The following RIF1 variants were observed in gnomAD, a reference collection of about 807,000 sequenced individuals.
RIF1 encodes replication timing regulatory factor 1, also known as telomere-associated protein RIF1.
Under a neutral mutation model 247.1 loss-of-function variants are expected in RIF1, and 45 were observed. The ratio of observed to expected loss-of-function variants is 0.18; its 90% CI spans 0.14 to 0.23. RIF1 has a LOEUF of 0.23. Among genes scored for constraint, RIF1 ranks in the 10% least tolerant of loss-of-function variants. The pLI, the probability that RIF1 is intolerant of heterozygous loss-of-function variation, is 1.00. For missense variants in RIF1, 2,967 were observed against 2,862.5 expected (o/e 1.04, Z -0.83); for synonymous variants, 1,087 against 978.8 (o/e 1.11, Z -2.06).
Position 151,502,940 on chromosome 2 carries a change from G to C in RIF1, c.*710-94G>C, listed in dbSNP as rs186299935. Reference sequence around the variant, plus strand: ...CATTTAAAACAGGCACAGAGAGTAAGGAAGGAAGGAAATGGGGGAAGGGGT... The same window carrying C: ...CATTTAAAACAGGCACAGAGAGTAACGAAGGAAGGAAATGGGGGAAGGGGT... On this transcript the variant is annotated intron_variant and NMD_transcript_variant, in intron 11 of 13. Coordinates refer to the RIF1 transcript ENST00000454583. 4.1e-4 allele frequency: 445 copies of C among 1,072,754 alleles called. 1 individual carries two copies. In the African/African-American group the frequency reaches 5.8e-3, roughly 14 times the overall value. 66.5% of individuals were successfully genotyped at this position (1,072,754 alleles called of 1,614,324 possible).
chr2:151,437,229 C>T lies in RIF1; in HGVS notation c.1373-12C>T, dbSNP rs1240790772. 2 of 1,578,234 alleles carry T rather than the reference C, an allele frequency of 1.3e-6. No homozygotes were observed. Among genetic ancestry groups the T allele is most frequent in the Non-Finnish European group, 1.7e-6 (2 of 1,149,098 alleles). On this transcript the variant is annotated splice_polypyrimidine_tract_variant and intron_variant, in intron 12 of 35. Coordinates refer to ENST00000444746, the MANE Select transcript of RIF1 (RefSeq NM_018151.5). ...TTGTTTTACATAATTATCTTTTATTCTTCCCTTTCAGAGCCATTGGAACAT... is the reference window on the plus strand; with the variant it reads ...TTGTTTTACATAATTATCTTTTATTTTTCCCTTTCAGAGCCATTGGAACAT...
chr2:151,497,647 G>C, intron 10 of RIF1: 2 of 1,579,920 alleles, frequency 1.3e-6, no homozygotes, highest in Non-Finnish European at 1.7e-6. Context: ...TTTCTTGATT[G>C]TGTTTGACTC....
chr2:151,505,210 ATAAT>A (rs778558948), intron 12 of RIF1, among the ~76,000 whole-genome samples: 20 of 152,338 alleles, frequency 1.3e-4, no homozygotes, highest in Admixed American at 2.6e-4. Context: ...GAATGGCATG[ATAAT>A]TAATTAAGAA....
intron 7 of RIF1, among the ~76,000 whole-genome samples, chr2:151,420,793 A>G (rs1688042936): frequency 1.3e-5 from 2 of 151,978 alleles, no homozygotes; most frequent in African/African-American, 4.8e-5. Flanking sequence ...ACTATGATAT[A>G]GGATTTTAGC....
chr2:151,521,858 G>C, the RIF1 span, among the ~76,000 whole-genome samples: 1 of 152,112 alleles, frequency 6.6e-6, no homozygotes, highest in Admixed American at 6.5e-5. Flanking sequence ...AGCACTTTTG[G>C]CCTTCCTTTT....
At chr2:151,492,327 A>G (rs770715674) in intron 9 of RIF1, 90 of 1,597,082 alleles carry the variant, frequency 5.6e-5, no homozygotes, top group Non-Finnish European at 7.0e-5. Flanking sequence ...TGGTGTGACT[A>G]TATCCCTTTT....
intron 33 of RIF1, 61 bp from the exon 34 acceptor site, chr2:151,469,650 C>T: frequency 1.6e-6 from 2 of 1,263,774 alleles, no homozygotes; most frequent in Non-Finnish European, 1.1e-6. Flanking sequence ...TGGATAAACC[C>T]TTGCAAATAG....
At chr2:151,467,633 G>C (rs1370350424) in intron 30 of RIF1, among the ~76,000 whole-genome samples, 2 of 152,156 alleles carry the variant, frequency 1.3e-5, no homozygotes, top group African/African-American at 4.8e-5. Context: ...GCGAGCCACT[G>C]CGCCTGGCAC....
In RIF1 at chr2:151,496,360, G is replaced by C. The variant is rs758277406; in HGVS notation, c.*513+1034G>C. On this transcript the variant is annotated intron_variant and NMD_transcript_variant, in intron 10 of 13. Coordinates refer to the RIF1 transcript ENST00000454583. ...GAGTTCCCTTGCCCATGTTTTCTTT[G>C]TATAACACCTGTGCGATGAGAAAGC... 8 of 1,608,468 alleles carry C rather than the reference G, an allele frequency of 5.0e-6. No individual in the cohort carries two copies. In the South Asian group the frequency reaches 8.9e-5, roughly 18 times the overall value.
chr2:151,456,999 G>C (rs972196783), intron 23 of RIF1, among the ~76,000 whole-genome samples: 18 of 152,106 alleles, frequency 1.2e-4, no homozygotes, highest in Non-Finnish European at 2.5e-4. Context: ...TTCCCGAAGT[G>C]CTAAGATTAC....
chr2:151,511,923 T>C (rs1559399993), downstream of RIF1, among the ~76,000 whole-genome samples: 4 of 152,142 alleles, frequency 2.6e-5, no homozygotes, highest in Non-Finnish European at 5.9e-5. Context: ...TGTTAAAATA[T>C]TGATTCATTA....
At chr2:151,424,021 T>G (rs557699373) in intron 8 of RIF1, among the ~76,000 whole-genome samples, 41 of 152,336 alleles carry the variant, frequency 2.7e-4, no homozygotes, top group African/African-American at 9.4e-4. Flanking sequence ...TGTCTCTGAA[T>G]TTGCTTATTC....
chr2:151,506,262 G>A lies in RIF1; in HGVS notation c.*914G>A, dbSNP rs368774294. The stretch of plus-strand genomic sequence containing the variant: ...AGACATCCTCTTTATATAAAACCTG[G>A]GCATTCAGAATCAGGACAGTGTTAA... On this transcript the variant is annotated 3_prime_UTR_variant and NMD_transcript_variant, in exon 13 of 14. Transcript: ENST00000454583. 11 of 1,605,162 alleles carry A rather than the reference G, an allele frequency of 6.9e-6. No homozygotes were observed. The highest frequency in any genetic ancestry group is 9.4e-6 in the Non-Finnish European group (11 of 1,172,186).
intron 2 of RIF1, among the ~76,000 whole-genome samples, chr2:151,410,799 A>C (rs1239386576): frequency 6.6e-6 from 1 of 152,130 alleles, no homozygotes; most frequent in Non-Finnish European, 1.5e-5. Context: ...TTCGGTTGGA[A>C]GTAGTTGTTG....
At chr2:151,484,076 C>T (rs191123593), downstream of RIF1, among the ~76,000 whole-genome samples, 291 of 152,260 alleles carry the variant, frequency 1.9e-3, no homozygotes, top group Admixed American at 3.1e-3. Context: ...GAAAGTCTAG[C>T]TGTTCAGTAC....
chr2:151,462,795 A>C, intron 29 of RIF1, 89 bp from the exon 30 acceptor site: 1 of 958,852 alleles, frequency 1.0e-6, no homozygotes, highest in Non-Finnish European at 1.6e-6. Context: ...GGGTTACCGA[A>C]GTTTTACACT....
Position 151,441,956 on chromosome 2 carries a change from C to G in RIF1, c.1699C>G (p.Pro567Ala), listed in dbSNP as rs376657602. 203 of 1,563,236 alleles carry G rather than the reference C, an allele frequency of 1.3e-4. No homozygotes were observed. Among genetic ancestry groups the G allele is most frequent in the Non-Finnish European group, 1.7e-4 (196 of 1,148,704 alleles). The part of the protein sequence containing the change: ...KGLPQKVLGS[P>A]AYQVANMDIL... ...ACTTCCTCAGAAAGTATTAGGTTCA[C>G]CAGCATATCAGGTTGCTAATATGGA... The change falls in exon 16 of 36, where the codon CCA becomes GCA. Residue 567 changes from proline (P) to alanine (A), a missense_variant. Coordinates refer to ENST00000444746, the MANE Select transcript of RIF1 (RefSeq NM_018151.5).
rs374319756 is a variant in RIF1, at chr2:151,416,787, T to G, written c.409-20T>G. ...CAGTTCAGGCTTATTTCATTTGTAT[T>G]TATTTGGTTCGTTTTTTAGGTATCC... On this transcript the variant is annotated intron_variant, in intron 5 of 35. Transcript: ENST00000444746. 5.0e-4 allele frequency: 799 copies of G among 1,603,188 alleles called. 1 individual carries two copies. Among genetic ancestry groups the G allele is most frequent in the Non-Finnish European group, 6.1e-4 (717 of 1,174,720 alleles).
chr2:151,432,152 G>A (rs1439445743), intron 9 of RIF1, among the ~76,000 whole-genome samples: 1 of 152,054 alleles, frequency 6.6e-6, no homozygotes, highest in Admixed American at 6.6e-5. Context: ...GGTATTACAG[G>A]AGCCACCGCC....
Sources: allele counts gnomAD v4.1 joint callset (sites outside exome capture counted in the v4.1 genomes callset), GRCh38; gene constraint gnomAD v4.1.1; transcripts MANE v1.5; gene names NCBI Gene and HGNC (gene_info 2026-07-23, HGNC 2026-07-21).